The following RIMS2 variants were observed in gnomAD, a reference collection of about 807,000 sequenced individuals.
RIMS2 encodes regulating synaptic membrane exocytosis protein 2.
In RIMS2, 59 loss-of-function variants were observed where a neutral mutation model predicts 174.4. The ratio of observed to expected loss-of-function variants is 0.34; its 90% CI spans 0.27 to 0.42. The LOEUF (loss-of-function observed/expected upper bound fraction) is 0.42, where lower values mean the gene tolerates loss of function less well. RIMS2 is among the 10% of genes least tolerant of loss of function. RIMS2 has a pLI of 1.00. For missense variants in RIMS2, 1,620 were observed against 1,666.3 expected (o/e 0.97, Z 0.48); for synonymous variants, 606 against 572.5 (o/e 1.06, Z -0.84).
intron 19 of RIMS2, among the ~76,000 whole-genome samples, chr8:104,022,256 G>C (rs1461663072): frequency 1.3e-5 from 2 of 152,030 alleles, no homozygotes; most frequent in Non-Finnish European, 2.9e-5. Context: ...TTTTGTTTTG[G>C]GGAAGGGCTG....
intron 6 of RIMS2, among the ~76,000 whole-genome samples, chr8:103,913,767 G>A (rs926971284): frequency 5.9e-5 from 9 of 152,018 alleles, no homozygotes; most frequent in African/African-American, 1.7e-4. Context: ...GGAGTGGGAA[G>A]CAAGGTGCCA....
At chr8:103,664,653 T>C (rs1362584868) in intron 1 of RIMS2, among the ~76,000 whole-genome samples, 1 of 152,140 alleles carries the variant, frequency 6.6e-6, no homozygotes, top group Non-Finnish European at 1.5e-5. Flanking sequence ...TGTGGAGAAA[T>C]AGGAACACTT....
chr8:103,755,270 G>T (rs1591718265), intron 2 of RIMS2, among the ~76,000 whole-genome samples: 1 of 152,168 alleles, frequency 6.6e-6, no homozygotes, highest in South Asian at 2.1e-4. Context: ...ACTCCGTTTT[G>T]GCTTGTAGAG....
chr8:103,896,163 C>G (rs1166798756), intron 4 of RIMS2, among the ~76,000 whole-genome samples: 2 of 151,580 alleles, frequency 1.3e-5, no homozygotes, highest in African/African-American at 4.9e-5. Flanking sequence ...CTGCTTCACC[C>G]TTTGTTGGAC....
At chr8:103,957,805 T>C (rs1565525323) in intron 14 of RIMS2, among the ~76,000 whole-genome samples, 2 of 151,952 alleles carry the variant, frequency 1.3e-5, no homozygotes, top group East Asian at 3.9e-4. Context: ...TAAAATAAGC[T>C]CAATATCACT....
At chr8:104,234,160 G>A (rs1013264207) in intron 19 of RIMS2, among the ~76,000 whole-genome samples, 11 of 152,060 alleles carry the variant, frequency 7.2e-5, no homozygotes, top group Non-Finnish European at 1.5e-4. Context: ...GGGTAATTAG[G>A]ATTCCAAGTT....
intron 3 of RIMS2, among the ~76,000 whole-genome samples, chr8:103,828,643 C>G (rs1411573414): frequency 6.6e-6 from 1 of 151,780 alleles, no homozygotes; most frequent in African/African-American, 2.4e-5. Flanking sequence ...GTCATGAAAC[C>G]TTTGTCAGGT....
intron 15 of RIMS2, among the ~76,000 whole-genome samples, chr8:103,966,013 C>A (rs1025194291): frequency 1.3e-5 from 2 of 151,854 alleles, no homozygotes; most frequent in African/African-American, 4.8e-5. Context: ...GTGTATAATT[C>A]TTTTTATACA....
chr8:103,823,312 CA>C (rs1337531829), intron 3 of RIMS2, among the ~76,000 whole-genome samples: 13 of 151,902 alleles, frequency 8.6e-5, no homozygotes, highest in Non-Finnish European at 1.5e-4. Flanking sequence ...TATTAGTAGA[CA>C]GAAGAATATT....
chr8:104,204,594 C>G (rs1023095538), intron 19 of RIMS2, among the ~76,000 whole-genome samples: 8 of 151,842 alleles, frequency 5.3e-5, no homozygotes, highest in Non-Finnish European at 8.8e-5. Flanking sequence ...GAAAAACTGA[C>G]CTCAATTCCT....
At chr8:103,984,342 A>G (rs1247423703) in intron 16 of RIMS2, among the ~76,000 whole-genome samples, 6 of 152,230 alleles carry the variant, frequency 3.9e-5, no homozygotes, top group Admixed American at 3.9e-4. Context: ...TTAGGAACTC[A>G]AACAACTGTA....
At chr8:103,829,069 T>G (rs918274164) in intron 3 of RIMS2, among the ~76,000 whole-genome samples, 5 of 148,218 alleles carry the variant, frequency 3.4e-5, no homozygotes, top group African/African-American at 1.3e-4. Flanking sequence ...TTTGGTTCTA[T>G]GTGAATTTAA....
At chr8:104,189,918 A>G (rs2098989126) in intron 19 of RIMS2, among the ~76,000 whole-genome samples, 1 of 152,006 alleles carries the variant, frequency 6.6e-6, no homozygotes, top group Non-Finnish European at 1.5e-5. Flanking sequence ...ATCTTTTCAC[A>G]TCATCTTCAA....
intron 1 of RIMS2, among the ~76,000 whole-genome samples, chr8:103,556,971 CA>C (rs2090606979): frequency 6.6e-6 from 1 of 152,042 alleles, no homozygotes; most frequent in South Asian, 2.1e-4. Context: ...TAGGTTAAAA[CA>C]ACTGATTTAG....
At chr8:103,554,787 A>C (rs540725137) in intron 1 of RIMS2, among the ~76,000 whole-genome samples, 10 of 152,312 alleles carry the variant, frequency 6.6e-5, no homozygotes, top group African/African-American at 2.4e-4. Context: ...ATCAGTCCAG[A>C]TATCTATCAA....
At chr8:103,656,716 A>C (rs1034252826) in intron 1 of RIMS2, among the ~76,000 whole-genome samples, 2 of 152,202 alleles carry the variant, frequency 1.3e-5, no homozygotes, top group Non-Finnish European at 2.9e-5. Context: ...AGGGCAAATC[A>C]AGCCATGAGT....
At chr8:104,230,426 G>T (rs533367267) in intron 19 of RIMS2, among the ~76,000 whole-genome samples, 60 of 152,098 alleles carry the variant, frequency 3.9e-4, no homozygotes, top group Middle Eastern at 6.8e-3. Context: ...CAGGTGGATC[G>T]CCTGAGGTCA....
chr8:103,807,008 A>C (rs2098654561), intron 3 of RIMS2, among the ~76,000 whole-genome samples: 1 of 152,142 alleles, frequency 6.6e-6, no homozygotes, highest in Non-Finnish European at 1.5e-5. Context: ...CCAAATTGAC[A>C]GATGGTTAAA....
chr8:104,130,816 A>T (rs889247031), intron 19 of RIMS2, among the ~76,000 whole-genome samples: 2 of 152,138 alleles, frequency 1.3e-5, no homozygotes, highest in African/African-American at 4.8e-5. Flanking sequence ...TTAGTAAACC[A>T]AGTGGCCATG....
Sources: gnomAD v4.1 joint callset for allele counts (sites outside exome capture counted in the v4.1 genomes callset) on GRCh38, gnomAD v4.1.1 for gene constraint, MANE v1.5 for transcripts, NCBI Gene and HGNC (gene_info 2026-07-23, HGNC 2026-07-21) for gene names.